Variants in SLC38A4 observed in about 807,000 individuals in gnomAD.
The protein encoded by SLC38A4 is sodium-coupled neutral amino acid transporter 4.
A neutral mutation model predicts 63.1 loss-of-function variants in SLC38A4; 20 were observed. That is an observed-to-expected ratio of 0.32 (90% CI 0.22 to 0.46). The LOEUF (loss-of-function observed/expected upper bound fraction) is 0.46, where lower values mean the gene tolerates loss of function less well. Ranked by LOEUF, SLC38A4 falls within the 20% of genes least tolerant of loss-of-function variation. The pLI, the probability that SLC38A4 is intolerant of heterozygous loss-of-function variation, is 1.00. For missense variants in SLC38A4, 526 were observed against 663.6 expected, an observed-to-expected ratio of 0.79 and a Z score of 2.28; for synonymous variants, 230 against 225.5, an observed-to-expected ratio of 1.02 and a Z score of -0.18.
At chr12:46,771,242 C>G (rs1490806107) in intron 14 of SLC38A4, among the ~76,000 whole-genome samples, 1 of 152,054 alleles carries the variant, frequency 6.6e-6, no homozygotes, top group Non-Finnish European at 1.5e-5. Context: ...CAAAACTGGT[C>G]CAATTAGTAG....
At chr12:46,815,276 TATATATATAC>T (rs1405429884) in intron 1 of SLC38A4, among the ~76,000 whole-genome samples, 45 of 77,706 alleles carry the variant, frequency 5.8e-4, no homozygotes, top group African/African-American at 2.2e-3. Flanking sequence ...TATATATATA[TATATATATAC>T]ACACACACAC....
intron 2 of SLC38A4, among the ~76,000 whole-genome samples, chr12:46,797,073 TA>T (rs1939024615): frequency 6.6e-6 from 1 of 152,166 alleles, no homozygotes; most frequent in Non-Finnish European, 1.5e-5. Context: ...TTTGTCCTTT[TA>T]AAAATATGTG....
Position 46,793,025 on chromosome 12 carries a change from T to C in SLC38A4, c.47A>G (p.Glu16Gly), listed in dbSNP as rs1355071184. The C allele has an allele frequency of 5.0e-6, 8 of 1,613,342 alleles. No homozygotes were observed. Among genetic ancestry groups the C allele is most frequent in the Non-Finnish European group, 6.8e-6 (8 of 1,179,450 alleles). Residue 16 changes from glutamate (E) to glycine (G), a missense_variant, in exon 3 of 17, where the codon GAG (glutamate) becomes GGG (glycine). Transcript: ENST00000266579. The part of the protein sequence containing the change: ...LRNVNIEPDD[E>G]SSSGESAPDS... ...TGGAGCACTTTCTCCACTGCTGCTCTCATCATCTGGTTCGATGTTGACATT... is the reference window on the plus strand; with the variant it reads ...TGGAGCACTTTCTCCACTGCTGCTCCCATCATCTGGTTCGATGTTGACATT...
intron 1 of SLC38A4, among the ~76,000 whole-genome samples, chr12:46,805,611 C>T (rs969843136): frequency 2.0e-5 from 3 of 152,004 alleles, no homozygotes; most frequent in Non-Finnish European, 4.4e-5. Flanking sequence ...AATGTAATCT[C>T]ATGCGCATTT....
chr12:46,824,187 G>C (rs1939603891), intron 1 of SLC38A4: 1 of 152,182 alleles, frequency 6.6e-6, no homozygotes, highest in South Asian at 2.1e-4. Flanking sequence ...CAGAGGCATT[G>C]TTTTGATTCA....
chr12:46,767,822 T>C (rs1938330497), intron 16 of SLC38A4, among the ~76,000 whole-genome samples: 1 of 152,142 alleles, frequency 6.6e-6, no homozygotes, highest in Non-Finnish European at 1.5e-5. Context: ...CTAAAGAGGT[T>C]AACAGAACGA....
rs1938261723 is a variant in SLC38A4 at position 46,764,768 on chromosome 12, GA to G, written c.*1932del. ...ATCAAAAATCACATCATAGTCATTT[GA>G]AAAGTTCATTTATTATATACCAATA... On this transcript the variant is annotated 3_prime_UTR_variant, in exon 17 of 17. Transcript: ENST00000266579. The G allele has an allele frequency of 6.6e-6, 1 of 152,102 alleles. No homozygotes were observed. Among genetic ancestry groups the G allele is most frequent in the South Asian group, 2.1e-4 (1 of 4,822 alleles). 9.4% of individuals were successfully genotyped at this position (152,102 alleles called of 1,614,324 possible).
chr12:46,785,073 T>G, intron 6 of SLC38A4, 31 bp downstream of exon 6: 2 of 1,503,270 alleles, frequency 1.3e-6, no homozygotes, highest in Non-Finnish European at 1.9e-6. Context: ...AGAATTAAAA[T>G]AGAATGTGTT....
upstream of SLC38A4, among the ~76,000 whole-genome samples, chr12:46,829,381 T>A (rs925627430): frequency 6.6e-6 from 1 of 151,934 alleles, no homozygotes; most frequent in Non-Finnish European, 1.5e-5. Context: ...ATTGTTTTGA[T>A]GTATATAAAA....
At chr12:46,793,472 C>A (rs1165567627) in intron 2 of SLC38A4, among the ~76,000 whole-genome samples, 1 of 151,990 alleles carries the variant, frequency 6.6e-6, no homozygotes, top group Non-Finnish European at 1.5e-5. Context: ...AAAAAGAAAT[C>A]TTAAGACATG....
intron 10 of SLC38A4, among the ~76,000 whole-genome samples, 155 bp downstream of exon 10, chr12:46,779,456 C>G (rs537919286): frequency 3.3e-5 from 5 of 151,978 alleles, no homozygotes; most frequent in South Asian, 4.2e-4. Flanking sequence ...CGTAGCTGCT[C>G]TTTTTTTGCT....
intron 2 of SLC38A4, among the ~76,000 whole-genome samples, chr12:46,795,392 T>C (rs185605555): frequency 4.6e-5 from 7 of 152,210 alleles, no homozygotes; most frequent in Admixed American, 4.6e-4. Context: ...ACTGTATAAA[T>C]AGTATGCCCT....
intron 14 of SLC38A4, among the ~76,000 whole-genome samples, chr12:46,774,238 A>C (rs180413): frequency 0.99 from 151,167 of 152,184 alleles, 75,086 homozygotes; most frequent in East Asian, 1. Context: ...CTTCATATGC[A>C]AGCCCTGTAT....
chr12:46,788,410 A>C (rs1266329669), intron 4 of SLC38A4, 118 bp downstream of exon 4: 1 of 774,012 alleles, frequency 1.3e-6, no homozygotes, highest in East Asian at 2.5e-5. Flanking sequence ...GCCTGAATAA[A>C]CACAGAATGT....
chr12:46,806,997 TA>T (rs967624665), intron 1 of SLC38A4, among the ~76,000 whole-genome samples: 67 of 147,254 alleles, frequency 4.5e-4, no homozygotes, highest in Middle Eastern at 3.5e-3. Flanking sequence ...AGTCAACAAT[TA>T]AAAAAAAAAA....
At chr12:46,818,460 C>T (rs926571917) in intron 1 of SLC38A4, among the ~76,000 whole-genome samples, 3 of 151,716 alleles carry the variant, frequency 2.0e-5, no homozygotes, top group African/African-American at 4.8e-5. Context: ...TTTCATGATC[C>T]TTGGCAAAAG....
chr12:46,789,950 C>A (rs776975898), intron 3 of SLC38A4, among the ~76,000 whole-genome samples: 2 of 151,962 alleles, frequency 1.3e-5, no homozygotes, highest in Admixed American at 6.6e-5. Context: ...TGGTGGCAGG[C>A]GCCTGTAATC....
chr12:46,779,723 A>G, intron 9 of SLC38A4, 54 bp from the exon 10 acceptor site: 2 of 1,584,474 alleles, frequency 1.3e-6, no homozygotes, highest in East Asian at 2.2e-5. Flanking sequence ...ACAATTAGCT[A>G]ACCTATTTAA....
intron 1 of SLC38A4, among the ~76,000 whole-genome samples, chr12:46,805,726 A>C (rs780358547): frequency 1.3e-5 from 2 of 152,096 alleles, no homozygotes; most frequent in Non-Finnish European, 2.9e-5. Context: ...TAATCATCAG[A>C]ATATGGGCAG....
Sources: allele counts gnomAD v4.1 joint callset (sites outside exome capture counted in the v4.1 genomes callset), GRCh38; gene constraint gnomAD v4.1.1; transcripts MANE v1.5; gene names NCBI Gene and HGNC (gene_info 2026-07-23, HGNC 2026-07-21).